Variants in ARHGAP11B observed in about 807,000 individuals in gnomAD.
The protein encoded by ARHGAP11B is inactive Rho GTPase-activating protein 11B.
A neutral mutation model predicts 27.6 loss-of-function variants in ARHGAP11B; 14 were observed. The ratio of observed to expected loss-of-function variants is 0.51; its 90% CI spans 0.34 to 0.79. The LOEUF (loss-of-function observed/expected upper bound fraction) is 0.79. Ranked by LOEUF, ARHGAP11B falls within the 30% of genes least tolerant of loss-of-function variation. The pLI is 0.02. For missense variants in ARHGAP11B, 245 were observed against 320.1 expected, an observed-to-expected ratio of 0.77 and a Z score of 1.79; for synonymous variants, 82 against 114.1, an observed-to-expected ratio of 0.72 and a Z score of 1.80.
At chr15:30,647,408 T>G (rs1814647760) in intron 9 of ARHGAP11B, among the ~76,000 whole-genome samples, 1 of 151,868 alleles carries the variant, frequency 6.6e-6, no homozygotes, top group African/African-American at 2.4e-5. Context: ...TTTTCGATAG[T>G]TGGTGTGTGT....
chr15:30,645,150 A>C lies in ARHGAP11B; in HGVS notation c.*142+448A>C, dbSNP rs556612221. Among the ~76,000 whole-genome samples, 14 of 152,104 alleles carry C rather than the reference A, an allele frequency of 9.2e-5. 1 individual carries two copies. The South Asian group carries it at 1.7e-3, about 18-fold the overall frequency. ...GATGGTGTGGGAGTGGAGATACTTA[A>C]GGGATAATTATTACATTTCTGTTGA... On this transcript the variant is annotated intron_variant, in intron 8 of 10. Coordinates refer to ENST00000428041, the Ensembl canonical transcript of ARHGAP11B.
intron 8 of ARHGAP11B, among the ~76,000 whole-genome samples, chr15:30,645,949 G>A (rs530991653): frequency 3.4e-4 from 51 of 151,990 alleles, no homozygotes; most frequent in Non-Finnish European, 6.0e-4. Context: ...GGGAAATATA[G>A]AAGGACAAAT....
At chr15:30,645,423 T>G (rs2060341376) in intron 8 of ARHGAP11B, among the ~76,000 whole-genome samples, 1 of 152,028 alleles carries the variant, frequency 6.6e-6, no homozygotes, top group Non-Finnish European at 1.5e-5. Flanking sequence ...AGGATGTTTT[T>G]GAAAGACCAA....
chr15:30,634,324 A>G, exon 4 of ARHGAP11B: 1 of 1,613,470 alleles, frequency 6.2e-7, no homozygotes, highest in Non-Finnish European at 8.5e-7. Context: ...GGCACAGAGG[A>G]AAAGAATAAA....
At chr15:30,646,246 T>G (rs1387315482) in exon 9 of ARHGAP11B, 1 of 1,034,866 alleles carries the variant, frequency 9.7e-7, no homozygotes, top group Non-Finnish European at 1.2e-6. Context: ...TATTTGTGCA[T>G]GGTGGCTGGT....
chr15:30,647,618 G>C (rs962429043), intron 9 of ARHGAP11B: 3 of 172,504 alleles, frequency 1.7e-5, no homozygotes, highest in African/African-American at 4.8e-5. Flanking sequence ...TGTTGTGTGA[G>C]TTAAATATTT....
At chr15:30,631,180 T>A in intron 2 of ARHGAP11B, among the ~76,000 whole-genome samples, 1 of 151,476 alleles carries the variant, frequency 6.6e-6, no homozygotes, top group African/African-American at 2.4e-5. Context: ...ATATTTTAAA[T>A]TTATAATTTG....
rs555271380 is a variant in ARHGAP11B, at chr15:30,628,511, A to C, written c.129+1562A>C. 5.3e-5 allele frequency among the ~76,000 whole-genome samples: 8 copies of C among 152,110 alleles called. No homozygotes were observed. In the South Asian group the frequency reaches 1.7e-3, roughly 31 times the overall value. ...TTTGATTTCCCTAAGCTTCAGTTTT[A>C]TATCTATAAAGTGGGAACGTATTTC... is the stretch of plus-strand genomic sequence containing the variant. On this transcript the variant is annotated intron_variant, in intron 1 of 10. Transcript: ENST00000428041.
At chr15:30,637,998 G>T (rs1455111356) in intron 6 of ARHGAP11B, among the ~76,000 whole-genome samples, 6 of 151,446 alleles carry the variant, frequency 4.0e-5, no homozygotes, top group Admixed American at 6.6e-5. Flanking sequence ...TTTTGTATAT[G>T]TAGTAGAAAG....
intron 3 of ARHGAP11B, among the ~76,000 whole-genome samples, chr15:30,633,919 G>T (rs973340849): frequency 1.3e-5 from 2 of 151,578 alleles, no homozygotes; most frequent in Non-Finnish European, 2.9e-5. Context: ...CAGCTACTTG[G>T]GAGGCTAAGG....
At chr15:30,644,022 C>T (rs1203229436) in intron 7 of ARHGAP11B, among the ~76,000 whole-genome samples, 1 of 151,880 alleles carries the variant, frequency 6.6e-6, no homozygotes, top group African/African-American at 2.4e-5. Flanking sequence ...CCATAAAGTT[C>T]CAGCCATCCT....
rs149185670 is a variant in ARHGAP11B at position 30,631,319 on chromosome 15, A to G, written c.200+546A>G. Among the ~76,000 whole-genome samples, 168 of 151,992 alleles carry G rather than the reference A, an allele frequency of 1.1e-3. 2 individuals carry two copies. The highest frequency in any genetic ancestry group is 5.6e-3 in the South Asian group (27 of 4,822). ...CTTTTGCCACAACTCAGATTAAGTA[A>G]TATACTGAATTACCAATTCAGTAAT... is the stretch of plus-strand genomic sequence containing the variant. On this transcript the variant is annotated intron_variant, in intron 2 of 10. Coordinates refer to ENST00000428041, the Ensembl canonical transcript of ARHGAP11B.
At chr15:30,646,693 G>C (rs2060350783) in intron 9 of ARHGAP11B, among the ~76,000 whole-genome samples, 1 of 150,322 alleles carries the variant, frequency 6.7e-6, no homozygotes, top group African/African-American at 2.5e-5. Context: ...AATTAGCCCA[G>C]GCGCAGTGGC....
chr15:30,627,944 C>T (rs1821295103), intron 1 of ARHGAP11B, among the ~76,000 whole-genome samples: 1 of 151,810 alleles, frequency 6.6e-6, no homozygotes, highest in South Asian at 2.1e-4. Context: ...AATACATGTA[C>T]TTACATTTAA....
At chr15:30,627,321 C>A (rs1338464646) in intron 1 of ARHGAP11B, among the ~76,000 whole-genome samples, 1 of 152,002 alleles carries the variant, frequency 6.6e-6, no homozygotes, top group African/African-American at 2.4e-5. Flanking sequence ...TTAAAAATGT[C>A]TCCGGATATT....
intron 6 of ARHGAP11B, among the ~76,000 whole-genome samples, chr15:30,638,029 A>G (rs2060292407): frequency 6.6e-6 from 1 of 151,378 alleles, no homozygotes; most frequent in Non-Finnish European, 1.5e-5. Context: ...TGTGTTGGCC[A>G]GGCTGGTCTC....
chr15:30,628,404 CTG>C (rs2060223282), intron 1 of ARHGAP11B, among the ~76,000 whole-genome samples: 2 of 152,036 alleles, frequency 1.3e-5, no homozygotes, highest in South Asian at 4.1e-4. Context: ...ACAAGAAAAA[CTG>C]TTGCCTGTTT....
intron 2 of ARHGAP11B, 88 bp downstream of exon 2, chr15:30,630,861 C>G (rs990877467): frequency 1.2e-6 from 2 of 1,605,498 alleles, no homozygotes; most frequent in Non-Finnish European, 1.7e-6. Context: ...GGGCAGATCA[C>G]TTGAGTCCGG....
intron 7 of ARHGAP11B, among the ~76,000 whole-genome samples, chr15:30,643,873 A>G (rs1198307348): frequency 6.6e-6 from 1 of 152,060 alleles, no homozygotes; most frequent in Non-Finnish European, 1.5e-5. Context: ...TTGAATTTTT[A>G]ATTAAAAGTC....
Sources: gnomAD v4.1 joint callset for allele counts (sites outside exome capture counted in the v4.1 genomes callset) on GRCh38, gnomAD v4.1.1 for gene constraint, MANE v1.5 for transcripts, NCBI Gene and HGNC (gene_info 2026-07-23, HGNC 2026-07-21) for gene names.